The following OSBPL10 variants were observed in gnomAD, a reference collection of about 807,000 sequenced individuals.
The protein encoded by OSBPL10 is oxysterol-binding protein-related protein 10.
A neutral mutation model predicts 81.7 loss-of-function variants in OSBPL10; 49 were observed. The observed-to-expected ratio is 0.60, with a 90% CI of 0.48 to 0.76. The LOEUF is 0.76. OSBPL10 is among the 30% of genes least tolerant of loss of function. The pLI, the probability that OSBPL10 is intolerant of heterozygous loss-of-function variation, is 0.00. For synonymous variants in OSBPL10, 419 were observed against 383.6 expected (o/e 1.09, Z -1.08); for missense variants, 923 against 987.8 (o/e 0.93, Z 0.88).
intron 10 of OSBPL10, 106 bp downstream of exon 10, chr3:31,668,536 G>T: frequency 1.9e-6 from 2 of 1,054,858 alleles, no homozygotes; most frequent in Non-Finnish European, 2.7e-6. Context: ...CATGATTCCT[G>T]GCCTGTTTCC....
intron 7 of OSBPL10, among the ~76,000 whole-genome samples, chr3:31,698,691 T>C (rs1339988401): frequency 6.6e-6 from 1 of 152,082 alleles, no homozygotes; most frequent in Non-Finnish European, 1.5e-5. Context: ...TGGGCCTTTT[T>C]CACCCCCATC....
At chr3:31,785,483 G>A (rs1026441378) in intron 4 of OSBPL10, among the ~76,000 whole-genome samples, 5 of 152,100 alleles carry the variant, frequency 3.3e-5, no homozygotes, top group Non-Finnish European at 5.9e-5. Context: ...TTCCCAGACT[G>A]GAATCCATCT....
chr3:32,068,918 C>T (rs76047397), intron 1 of OSBPL10, among the ~76,000 whole-genome samples: 3 of 152,054 alleles, frequency 2.0e-5, no homozygotes, highest in Non-Finnish European at 4.4e-5. Context: ...CCCCGTCAGG[C>T]TGAATCAGGC....
intron 2 of OSBPL10, among the ~76,000 whole-genome samples, chr3:32,017,284 A>G (rs1197687458): frequency 6.6e-6 from 1 of 152,236 alleles, no homozygotes; most frequent in African/African-American, 2.4e-5. Flanking sequence ...AAGTTCCAAC[A>G]GCTAAAAACA....
chr3:31,949,977 T>G (rs1021233262), intron 1 of OSBPL10, among the ~76,000 whole-genome samples: 1 of 152,086 alleles, frequency 6.6e-6, no homozygotes, highest in Admixed American at 6.5e-5. Flanking sequence ...ATCTGAGAGT[T>G]GGCAAAAATT....
intron 1 of OSBPL10, among the ~76,000 whole-genome samples, chr3:31,893,615 A>G (rs1559508122): frequency 6.6e-6 from 1 of 152,256 alleles, no homozygotes; most frequent in Non-Finnish European, 1.5e-5. Flanking sequence ...AGTAGCCAGA[A>G]ACTGGAAATA....
chr3:31,683,593 C>T, intron 8 of OSBPL10, 41 bp downstream of exon 8: 1 of 1,582,588 alleles, frequency 6.3e-7, no homozygotes, highest in African/African-American at 1.3e-5. Context: ...ATAGAAACGT[C>T]ACTGTGTAAG....
At chr3:31,699,089 T>A (rs1695813349) in intron 7 of OSBPL10, among the ~76,000 whole-genome samples, 1 of 152,208 alleles carries the variant, frequency 6.6e-6, no homozygotes, top group African/African-American at 2.4e-5. Flanking sequence ...GCTTTTCATA[T>A]CCCTGAAAAC....
chr3:32,038,423 T>C (rs75490256), intron 2 of OSBPL10, among the ~76,000 whole-genome samples: 4,263 of 152,250 alleles, frequency 0.028, 79 homozygotes, highest in Middle Eastern at 0.044. Context: ...CGGGTTCAAG[T>C]GATTCTTGTT....
chr3:31,778,264 T>C (rs1698598457), intron 4 of OSBPL10, among the ~76,000 whole-genome samples: 1 of 152,134 alleles, frequency 6.6e-6, no homozygotes, highest in African/African-American at 2.4e-5. Context: ...ACATCCCTAG[T>C]GACAGAGGCA....
Position 31,889,963 on chromosome 3 carries a change from A to C in OSBPL10, c.282-10133T>G, listed in dbSNP as rs370921120. Among the ~76,000 whole-genome samples the C allele has an allele frequency of 3.3e-5, 5 of 152,066 alleles. No homozygotes were observed. The East Asian group carries it at 7.7e-4, about 23-fold the overall frequency. ...AAACTTAATAAAAATAATGTTTCTT[A>C]AAGTTTGGTCCAGTTGCTCTCTGCT... On this transcript the variant is annotated intron_variant, in intron 1 of 11. Transcript: ENST00000396556.
At chr3:31,973,354 A>T (rs1698614020) in intron 1 of OSBPL10, among the ~76,000 whole-genome samples, 1 of 152,172 alleles carries the variant, frequency 6.6e-6, no homozygotes, top group South Asian at 2.1e-4. Context: ...GGCTTAAGTG[A>T]CCACCAATGC....
At chr3:31,749,688 G>A (rs531919827) in intron 4 of OSBPL10, among the ~76,000 whole-genome samples, 11 of 152,120 alleles carry the variant, frequency 7.2e-5, no homozygotes, top group East Asian at 3.9e-4. Context: ...GGTGGTGGAC[G>A]CCTGTAGTCC....
chr3:31,741,254 TCTAA>T (rs536031854), intron 5 of OSBPL10, among the ~76,000 whole-genome samples: 119 of 152,352 alleles, frequency 7.8e-4, no homozygotes, highest in African/African-American at 2.8e-3. Flanking sequence ...CGCCTTGGTA[TCTAA>T]CTGTTTTCTT....
In OSBPL10 at chr3:31,941,783, G is replaced by T. The variant is rs145882711; in HGVS notation, c.281+39116C>A. Among the ~76,000 whole-genome samples, 1,301 of 152,320 alleles carry T rather than the reference G, an allele frequency of 8.5e-3. 6 individuals carry two copies. The highest frequency in any genetic ancestry group is 0.013 in the Non-Finnish European group (903 of 68,034). On this transcript the variant is annotated intron_variant, in intron 1 of 11. Transcript: ENST00000396556. ...AGTGAAATAAATTCCTTAAATATCAGGAAGCAGAGAATATAAGTAAAGATC... is the reference window on the plus strand; with the variant it reads ...AGTGAAATAAATTCCTTAAATATCATGAAGCAGAGAATATAAGTAAAGATC...
At chr3:31,852,789 G>C (rs559383123) in intron 3 of OSBPL10, among the ~76,000 whole-genome samples, 1 of 151,912 alleles carries the variant, frequency 6.6e-6, no homozygotes, top group Admixed American at 6.6e-5. Context: ...ATATTGGCCA[G>C]GCTGGTCTTG....
chr3:31,686,076 C>T (rs923594515), intron 7 of OSBPL10, among the ~76,000 whole-genome samples: 2 of 151,940 alleles, frequency 1.3e-5, no homozygotes, highest in African/African-American at 4.8e-5. Context: ...TTCCTAGACC[C>T]TTGTGCTTCC....
chr3:31,789,253 G>A (rs1698946899), intron 4 of OSBPL10, among the ~76,000 whole-genome samples: 1 of 152,178 alleles, frequency 6.6e-6, no homozygotes, highest in Non-Finnish European at 1.5e-5. Flanking sequence ...TATATTTAAT[G>A]AAATATTTTC....
chr3:31,898,006 C>CAAAAAAAAAAAAAAAAAAAAA (rs58479197), intron 1 of OSBPL10, among the ~76,000 whole-genome samples: 2 of 62,452 alleles, frequency 3.2e-5, no homozygotes, highest in East Asian at 1.1e-3. Flanking sequence ...AGAACTCTGT[C>CAAAAAAAAAAAAAAAAAAAAA]AAAAAAAAAA....
Sources: allele counts gnomAD v4.1 joint callset (sites outside exome capture counted in the v4.1 genomes callset), GRCh38; gene constraint gnomAD v4.1.1; transcripts MANE v1.5; gene names NCBI Gene and HGNC (gene_info 2026-07-23, HGNC 2026-07-21).